The following CALHM3 variants were observed in gnomAD, a reference collection of about 807,000 sequenced individuals.
CALHM3 encodes calcium homeostasis modulator 3, also known as calcium homeostasis modulator protein 3.
CALHM3 carries 9 observed loss-of-function variants against 13.6 expected under a neutral mutation model. The observed-to-expected ratio is 0.66, with a 90% CI of 0.40 to 1.15. The LOEUF (loss-of-function observed/expected upper bound fraction) is 1.15. CALHM3 is among the 50% of genes most tolerant of loss of function. CALHM3 has a pLI of 0.01. For synonymous variants in CALHM3, 231 were observed against 213.2 expected, an observed-to-expected ratio of 1.08 and a Z score of -0.73; for missense variants, 497 against 463.4, an observed-to-expected ratio of 1.07 and a Z score of -0.67.
At position 103,473,577 on chromosome 10, in the gene CALHM3, T is replaced by A. The variant is rs1032280257; in HGVS notation, c.671A>T (p.Gln224Leu). ...ACAGCAGGTCTCGTCGAAGAGCTTC[T>A]GCTCCAGGTCCACGTAGTTGCTCCA... ...RYWSNYVDLE[Q>L]KLFDETCCEH... Residue 224 changes from glutamine to leucine, a missense_variant, in exon 3 of 3, where the codon CAG (glutamine) becomes CTG (leucine). Physicochemically the swap from Gln to Leu is moderately radical, Grantham distance 113 (BLOSUM62 -2). Transcript: ENST00000369783. The A allele has an allele frequency of 1.3e-6, 2 of 1,551,276 alleles. No homozygotes were observed. Among genetic ancestry groups the A allele is most frequent in the African/African-American group, 2.7e-5 (2 of 73,072 alleles).
chr10:103,475,111 A>ACTCCTCTCC (rs1473133845), intron 2 of CALHM3, among the ~76,000 whole-genome samples: 1 of 151,444 alleles, frequency 6.6e-6, no homozygotes, highest in African/African-American at 2.4e-5. Flanking sequence ...CACCTGGCAG[A>ACTCCTCTCC]CTCCTCTCCC....
chr10:103,478,667 G>T lies in CALHM3; in HGVS notation c.287+79C>A, dbSNP rs1399570945. On this transcript the variant is annotated intron_variant, in intron 1 of 2. Transcript: ENST00000369783. ...TAATGAGAATGGTTGGGGTCTGGGGGTGCACTTGACAGTGCCTGTGGGGTG... is the reference window on the plus strand; with the variant it reads ...TAATGAGAATGGTTGGGGTCTGGGGTTGCACTTGACAGTGCCTGTGGGGTG... 4 of 1,368,230 alleles carry T rather than the reference G, an allele frequency of 2.9e-6. No individual in the cohort carries two copies. In the East Asian group the frequency reaches 7.6e-5, roughly 26 times the overall value. 84.8% of individuals were successfully genotyped at this position (1,368,230 alleles called of 1,614,324 possible). A position where few individuals can be genotyped will look rare whatever the true frequency, so the allele number is the denominator to read the frequency against.
chr10:103,473,612 C>A lies in CALHM3; in HGVS notation c.636G>T (p.Gln212His), dbSNP rs1366277264. The A allele has an allele frequency of 6.4e-7, 1 of 1,551,386 alleles. No individual in the cohort carries two copies. Among genetic ancestry groups the A allele is most frequent in the Non-Finnish European group, 8.7e-7 (1 of 1,147,040 alleles). Residue 212 changes from glutamine (Q) to histidine (H), a missense_variant, in exon 3 of 3, where the codon CAG becomes CAT. Gln to His is a conservative substitution (Grantham distance 24, BLOSUM62 0). Transcript: ENST00000369783. ...CCACGTAGTTGCTCCAGTATCTGCG[C>A]TGCAGGAAGACTGTCTGGTCGAAGC... ...RPCFDQTVFLQRRYWSNYVDL... is the reference protein window; with the variant it reads ...RPCFDQTVFLHRRYWSNYVDL...
intron 2 of CALHM3, among the ~76,000 whole-genome samples, chr10:103,474,092 C>A (rs191480067): frequency 2.6e-5 from 4 of 152,282 alleles, no homozygotes; most frequent in Middle Eastern, 3.4e-3. Flanking sequence ...TCCAAAGTCC[C>A]TCCTTTTACA....
chr10:103,477,620 A>T (rs2033404839), intron 1 of CALHM3, among the ~76,000 whole-genome samples: 1 of 152,090 alleles, frequency 6.6e-6, no homozygotes, highest in Non-Finnish European at 1.5e-5. Flanking sequence ...CACAGGCTGG[A>T]GTGCAGTGGC....
chr10:103,479,193 C>G lies in CALHM3; in HGVS notation c.-161G>C. Reference sequence around the variant, plus strand: ...CCAAGGAGGAAGCAGTGCCCAGGCCCCAGCCCAGGCTCCCGGGATCCAGTA... The same window carrying G: ...CCAAGGAGGAAGCAGTGCCCAGGCCGCAGCCCAGGCTCCCGGGATCCAGTA... On this transcript the variant is annotated 5_prime_UTR_variant, in exon 1 of 3. Transcript: ENST00000369783. The G allele has an allele frequency of 1.3e-6, 1 of 782,756 alleles. No homozygotes were observed. Among genetic ancestry groups the G allele is most frequent in the South Asian group, 1.9e-5 (1 of 51,750 alleles). 48.5% of individuals were successfully genotyped at this position (782,756 alleles called of 1,614,324 possible). A position where few individuals can be genotyped will look rare whatever the true frequency, so the allele number is the denominator to read the frequency against.
At position 103,478,888 on chromosome 10, in the gene CALHM3, C is replaced by A. The variant is rs1319395319; in HGVS notation, c.145G>T (p.Ala49Ser). The A allele has an allele frequency of 6.4e-7, 1 of 1,551,762 alleles. No individual in the cohort carries two copies. Among genetic ancestry groups the A allele is most frequent in the Admixed American group, 2.0e-5 (1 of 51,016 alleles). Residue 49 changes from alanine (A) to serine (S), a missense_variant, in exon 1 of 3, where the codon GCA becomes TCA. By Grantham distance (99) the Ala-to-Ser change is moderately conservative. Coordinates refer to ENST00000369783, the MANE Select transcript of CALHM3 (RefSeq NM_001129742.2). The part of the protein sequence containing the change: ...FNCPCLVHYN[A>S]LYGLGLLLTP... ...AGCAGCAGGCCCAGGCCGTAGAGTG[C>A]ATTGTAGTGCACCAGGCAGGGACAG...
intron 2 of CALHM3, 115 bp from the exon 3 acceptor site, chr10:103,473,819 T>C: frequency 7.8e-7 from 1 of 1,283,810 alleles, no homozygotes; most frequent in Non-Finnish European, 1.0e-6. Context: ...GTCTACATAA[T>C]AATATTCTTC....
At position 103,473,067 on chromosome 10, in the gene CALHM3, T is replaced by C. The variant is rs2033339874; in HGVS notation, c.*146A>G. 1 of 883,814 alleles carries C rather than the reference T, an allele frequency of 1.1e-6. No homozygotes were observed. Among genetic ancestry groups the C allele is most frequent in the Non-Finnish European group, 1.5e-6 (1 of 664,670 alleles). 54.7% of individuals were successfully genotyped at this position (883,814 alleles called of 1,614,324 possible). ...CGCGCTGGAGGCCACACCCAGAAAC[T>C]AGGCAGAGATTGGGCTACTTTAAAA... On this transcript the variant is annotated 3_prime_UTR_variant, in exon 3 of 3. Transcript: ENST00000369783.
chr10:103,476,316 C>A lies in CALHM3; in HGVS notation c.521G>T (p.Arg174Leu), dbSNP rs1183250247. 1 of 1,551,488 alleles carries A rather than the reference C, an allele frequency of 6.4e-7. No individual in the cohort carries two copies. Among genetic ancestry groups the A allele is most frequent in the Non-Finnish European group, 8.7e-7 (1 of 1,146,984 alleles). Reference sequence around the variant, plus strand: ...TACCTGTGACAGGCACCGCAGGTAGCGAGACACTGCCTTCCGAGCAGGGCT... The same window carrying A: ...TACCTGTGACAGGCACCGCAGGTAGAGAGACACTGCCTTCCGAGCAGGGCT... ...RDSPARKAVS[R>L]YLRCLSQAIG... Residue 174 changes from arginine to leucine, a missense_variant, in exon 2 of 3, where the codon CGC becomes CTC. By Grantham distance (102) the Arg-to-Leu change is moderately radical. Transcript: ENST00000369783.
At chr10:103,478,648 G>T in intron 1 of CALHM3, 98 bp downstream of exon 1, 1 of 1,250,868 alleles carries the variant, frequency 8.0e-7, no homozygotes, top group Non-Finnish European at 1.1e-6. Context: ...CTGATAATGA[G>T]AATGGTTGGG....
chr10:103,475,712 G>C (rs763390572), intron 2 of CALHM3, among the ~76,000 whole-genome samples: 6 of 152,360 alleles, frequency 3.9e-5, no homozygotes, highest in Non-Finnish European at 8.8e-5. Context: ...TCCGTGTGTA[G>C]TGGGTTCACA....
At chr10:103,477,817 C>T (rs2033407523) in intron 1 of CALHM3, among the ~76,000 whole-genome samples, 1 of 152,154 alleles carries the variant, frequency 6.6e-6, no homozygotes, top group Admixed American at 6.5e-5. Flanking sequence ...AGGTGATCCA[C>T]TCGCCTCGAC....
At chr10:103,476,181 G>T in intron 2 of CALHM3, 113 bp downstream of exon 2, 1 of 1,412,284 alleles carries the variant, frequency 7.1e-7, no homozygotes, top group Non-Finnish European at 9.6e-7. Context: ...CTGCCTCCTG[G>T]GAATGGGCTG....
At position 103,473,591 on chromosome 10, in the gene CALHM3, G is replaced by T. The variant is rs1265570235; in HGVS notation, c.657C>A (p.Tyr219Ter). 1 of 1,551,384 alleles carries T rather than the reference G, an allele frequency of 6.4e-7. No homozygotes were observed. Among genetic ancestry groups the T allele is most frequent in the Non-Finnish European group, 8.7e-7 (1 of 1,147,028 alleles). Residue 219 changes from tyrosine to a stop codon, truncating the protein, a stop_gained, in exon 3 of 3, where the codon TAC (tyrosine) becomes TAA (stop). Transcript: ENST00000369783. LOFTEE classifies it low-confidence loss of function (END_TRUNC). Reference sequence around the variant, plus strand: ...CGAAGAGCTTCTGCTCCAGGTCCACGTAGTTGCTCCAGTATCTGCGCTGCA... The same window carrying T: ...CGAAGAGCTTCTGCTCCAGGTCCACTTAGTTGCTCCAGTATCTGCGCTGCA... ...VFLQRRYWSNYVDLEQKLFDE... is the reference protein window; with the variant it reads ...VFLQRRYWSN
chr10:103,477,236 C>G (rs1005909887), intron 1 of CALHM3, among the ~76,000 whole-genome samples: 4 of 152,192 alleles, frequency 2.6e-5, no homozygotes, highest in African/African-American at 9.6e-5. Flanking sequence ...TGACCGGCCT[C>G]AGGCGCCTTT....
chr10:103,476,513 G>A lies in CALHM3; in HGVS notation c.324C>T (p.Ala108=), dbSNP rs550091008. 2.6e-5 allele frequency: 40 copies of A among 1,551,476 alleles called. No homozygotes were observed. The highest frequency in any genetic ancestry group is 3.2e-5 in the Non-Finnish European group (37 of 1,147,006). Reference sequence around the variant, plus strand: ...CCAGCAGGATCCAGACCAGGGGGGCGGCCAGCGCCCTCTGCAGCACAGAGG... The same window carrying A: ...CCAGCAGGATCCAGACCAGGGGGGCAGCCAGCGCCCTCTGCAGCACAGAGG... ...MCSSVLQRAL[A]APLVWILLAL... Residue 108 remains alanine, a synonymous_variant, in exon 2 of 3, where the codon GCC becomes GCT. Transcript: ENST00000369783.
chr10:103,478,064 C>G (rs1271663429), intron 1 of CALHM3, among the ~76,000 whole-genome samples: 1 of 152,182 alleles, frequency 6.6e-6, no homozygotes, highest in African/African-American at 2.4e-5. Context: ...ATGATCTGAC[C>G]TACCTAGTTT....
At chr10:103,478,192 G>A (rs539526861) in intron 1 of CALHM3, among the ~76,000 whole-genome samples, 12 of 152,270 alleles carry the variant, frequency 7.9e-5, no homozygotes, top group South Asian at 2.1e-4. Context: ...TCCCCACTCC[G>A]TCTATAACAT....
Sources: gnomAD v4.1 joint callset for allele counts (sites outside exome capture counted in the v4.1 genomes callset) on GRCh38, gnomAD v4.1.1 for gene constraint, MANE v1.5 for transcripts, NCBI Gene and HGNC (gene_info 2026-07-23, HGNC 2026-07-21) for gene names.